PARP12: variants seen among roughly 807,000 people sequenced by gnomAD.
PARP12 encodes poly(ADP-ribose) polymerase family member 12, also known as protein mono-ADP-ribosyltransferase PARP12.
In PARP12, 59 loss-of-function variants were observed where a neutral mutation model predicts 72.4. The observed-to-expected ratio is 0.81, with a 90% CI of 0.66 to 1.01. The LOEUF (loss-of-function observed/expected upper bound fraction) is 1.01. Among genes scored for constraint, PARP12 ranks in the 50% least tolerant of loss-of-function variants. PARP12 has a pLI of 0.00. For synonymous variants in PARP12, 403 were observed against 371.4 expected (o/e 1.09, Z -0.98); for missense variants, 851 against 914.0 (o/e 0.93, Z 0.89).
intron 1 of PARP12, among the ~76,000 whole-genome samples, chr7:140,059,034 G>A (rs550626032): frequency 6.6e-5 from 10 of 151,854 alleles, no homozygotes; most frequent in East Asian, 5.8e-4. Context: ...GGCGGAGGCC[G>A]TGGTGAGCCA....
chr7:140,051,102 G>A (rs935604493), intron 4 of PARP12, among the ~76,000 whole-genome samples: 3 of 152,156 alleles, frequency 2.0e-5, no homozygotes, highest in Admixed American at 6.5e-5. Flanking sequence ...TACTTTGGGG[G>A]TGTTGAAAAT....
rs952816564 is a variant in PARP12 at position 140,026,231 on chromosome 7, C to A, written c.1746G>T (p.Arg582=). Residue 582 remains arginine (R), a synonymous_variant, in exon 11 of 12, where the codon CGG becomes CGT. Coordinates refer to ENST00000263549, the MANE Select transcript of PARP12 (RefSeq NM_022750.4). ...DAICQQNFDW[R]VCGVHGTSYG... Reference sequence around the variant, plus strand: ...AGGAAGTGCCATGAACACCACAGACCCGCCAGTCAAAGTTCTGCTGGCAGA... The same window carrying A: ...AGGAAGTGCCATGAACACCACAGACACGCCAGTCAAAGTTCTGCTGGCAGA... 1 of 1,614,178 alleles carries A rather than the reference C, an allele frequency of 6.2e-7. No homozygotes were observed. Among genetic ancestry groups the A allele is most frequent in the African/African-American group, 1.3e-5 (1 of 75,062 alleles).
At chr7:140,037,168 C>T (rs548922666) in intron 7 of PARP12, among the ~76,000 whole-genome samples, 3 of 152,152 alleles carry the variant, frequency 2.0e-5, no homozygotes, top group African/African-American at 7.2e-5. Flanking sequence ...ATGAAAAATA[C>T]AAAAAATTAG....
intron 4 of PARP12, among the ~76,000 whole-genome samples, chr7:140,053,708 G>A (rs891936564): frequency 4.0e-5 from 6 of 151,842 alleles, no homozygotes; most frequent in Non-Finnish European, 8.8e-5. Context: ...TCACATATAT[G>A]TACTTCAATG....
At chr7:140,043,039 C>CA (rs59733909) in intron 5 of PARP12, among the ~76,000 whole-genome samples, 1,577 of 152,210 alleles carry the variant, frequency 0.01, 27 homozygotes, top group African/African-American at 0.036. Context: ...ACTAAAAATA[C>CA]AAAAACTAGC....
intron 8 of PARP12, chr7:140,029,235 AT>A (rs1815847926): frequency 6.6e-6 from 1 of 152,330 alleles, no homozygotes; most frequent in Admixed American, 6.5e-5. Flanking sequence ...CTGACTATGC[AT>A]ATTGTTTACT....
intron 6 of PARP12, 75 bp from the exon 7 acceptor site, chr7:140,037,931 C>A: frequency 6.4e-7 from 1 of 1,553,122 alleles, no homozygotes; most frequent in East Asian, 2.3e-5. Context: ...GCACCCACGC[C>A]ACATTTCAGA....
intron 7 of PARP12, among the ~76,000 whole-genome samples, chr7:140,035,633 G>T (rs2116545145): frequency 6.6e-6 from 1 of 152,322 alleles, no homozygotes; most frequent in Non-Finnish European, 1.5e-5. Flanking sequence ...CCCTAAAAGG[G>T]CAGAACTGAA....
chr7:140,060,049 C>T (rs1417042926), intron 1 of PARP12, among the ~76,000 whole-genome samples: 1 of 152,214 alleles, frequency 6.6e-6, no homozygotes, highest in Non-Finnish European at 1.5e-5. Flanking sequence ...ATAATGACTA[C>T]TAAAATTTAT....
At chr7:140,030,628 T>TGCATACATACAC (rs375126771) in intron 8 of PARP12, among the ~76,000 whole-genome samples, 2 of 152,170 alleles carry the variant, frequency 1.3e-5, no homozygotes, top group African/African-American at 2.4e-5. Flanking sequence ...CATACATACA[T>TGCATACATACAC]ACGTACATAC....
At chr7:140,050,520 C>A (rs1253359867) in intron 4 of PARP12, among the ~76,000 whole-genome samples, 1 of 152,192 alleles carries the variant, frequency 6.6e-6, no homozygotes, top group Admixed American at 6.5e-5. Flanking sequence ...TCCAAATCAG[C>A]CCCATGGAAA....
In PARP12 at chr7:140,053,158, T is replaced by A. The variant is rs1358637175; in HGVS notation, c.862+1504A>T. 3.3e-5 allele frequency among the ~76,000 whole-genome samples: 5 copies of A among 152,184 alleles called. No individual in the cohort carries two copies. The South Asian group carries it at 6.2e-4, about 19-fold the overall frequency. On this transcript the variant is annotated intron_variant, in intron 4 of 11. Coordinates refer to ENST00000263549, the MANE Select transcript of PARP12 (RefSeq NM_022750.4). The stretch of plus-strand genomic sequence containing the variant: ...ACTTATACATAAATATTTATAGAAG[T>A]TGTATTTGTAAAAGCCAAAAACTGG...
intron 1 of PARP12, among the ~76,000 whole-genome samples, chr7:140,058,384 G>A (rs1183161907): frequency 7.9e-5 from 12 of 151,954 alleles, no homozygotes; most frequent in Admixed American, 5.9e-4. Context: ...GGTGGTGAGC[G>A]CATGTAGTCC....
rs549424755 is a variant in PARP12 at position 140,056,894 on chromosome 7, C to G, written c.722G>C (p.Ser241Thr). ...TGGGACAAAAAGAGGAGGCACTCTGCTGGGGGCAGAGCTCTTATTCTTGAT... is the reference window on the plus strand; with the variant it reads ...TGGGACAAAAAGAGGAGGCACTCTGGTGGGGGCAGAGCTCTTATTCTTGAT... ...HDIKNKSSAP[S>T]RVPPLFVPQG... The change falls in exon 3 of 12, where the codon AGC becomes ACC. Residue 241 changes from serine to threonine, a missense_variant. Ser to Thr is a moderately conservative substitution (Grantham distance 58). Transcript: ENST00000263549. 1 of 1,612,326 alleles carries G rather than the reference C, an allele frequency of 6.2e-7. No homozygotes were observed. The highest frequency in any genetic ancestry group is 2.2e-5 in the East Asian group (1 of 44,872).
intron 4 of PARP12, among the ~76,000 whole-genome samples, chr7:140,052,135 C>T (rs189138953): frequency 6.6e-6 from 1 of 152,336 alleles, no homozygotes; most frequent in African/African-American, 2.4e-5. Flanking sequence ...CTTGATACCA[C>T]TTGTTTAAAA....
rs749644397 is a variant in PARP12 at position 140,056,865 on chromosome 7, C to T, written c.751G>A (p.Gly251Arg). 1.7e-5 allele frequency: 28 copies of T among 1,606,122 alleles called. No individual in the cohort carries two copies. The Admixed American group carries it at 4.7e-4, about 27-fold the overall frequency. Reference protein sequence around the residue: ...SRVPPLFVPQGTSERKDSSGS... With the variant: ...SRVPPLFVPQRTSERKDSSGS... Reference sequence around the variant, plus strand: ...TCCCCACCAGCCTTACCAGAAGTCCCCTGTGGGACAAAAAGAGGAGGCACT... The same window carrying T: ...TCCCCACCAGCCTTACCAGAAGTCCTCTGTGGGACAAAAAGAGGAGGCACT... Residue 251 changes from glycine to arginine, a missense_variant, in exon 3 of 12, where the codon GGG (glycine) becomes AGG (arginine). By Grantham distance (125) the Gly-to-Arg change is moderately radical. Around this residue, in one of 3 missense-constraint regions of PARP12, gnomAD observed 492 missense variants for 489.3 expected, o/e 1.01. Transcript: ENST00000263549.
chr7:140,046,316 A>T (rs1179969075), intron 5 of PARP12, among the ~76,000 whole-genome samples: 4 of 152,236 alleles, frequency 2.6e-5, no homozygotes, highest in Admixed American at 2.0e-4. Context: ...CAGCAAGTTC[A>T]ATGAAAAATA....
intron 5 of PARP12, among the ~76,000 whole-genome samples, chr7:140,044,054 G>A (rs1317221830): frequency 1.3e-5 from 2 of 152,182 alleles, no homozygotes; most frequent in African/African-American, 4.8e-5. Flanking sequence ...GAATACTTAA[G>A]GAGATCATGG....
rs537682117 is a variant in PARP12, at chr7:140,051,909, T to C, written c.862+2753A>G. Among the ~76,000 whole-genome samples the C allele has an allele frequency of 1.1e-4, 17 of 152,346 alleles. No individual in the cohort carries two copies. The South Asian group carries it at 3.5e-3, about 32-fold the overall frequency. On this transcript the variant is annotated intron_variant, in intron 4 of 11. Coordinates refer to ENST00000263549, the MANE Select transcript of PARP12 (RefSeq NM_022750.4). Reference sequence around the variant, plus strand: ...TGGCTTTCTCAAGACACTCTCATCATAAGCAGATGTTATTGCTCTTTGGCC... The same window carrying C: ...TGGCTTTCTCAAGACACTCTCATCACAAGCAGATGTTATTGCTCTTTGGCC...
Sources: allele counts gnomAD v4.1 joint callset (sites outside exome capture counted in the v4.1 genomes callset), GRCh38; gene constraint gnomAD v4.1.1; regional missense constraint gnomAD v4.1.1; transcripts MANE v1.5; gene names NCBI Gene and HGNC (gene_info 2026-07-23, HGNC 2026-07-21).